The following MUC4 variants were observed in gnomAD, a reference collection of about 807,000 sequenced individuals.
MUC4 encodes the protein mucin 4, cell surface associated.
In MUC4, 202 loss-of-function variants were observed where a neutral mutation model predicts 257.9. The observed-to-expected ratio is 0.78, with a 90% CI of 0.70 to 0.88. The LOEUF is 0.88. Among genes scored for constraint, MUC4 ranks in the 40% least tolerant of loss-of-function variants. The pLI, the probability that MUC4 is intolerant of heterozygous loss-of-function variation, is 0.00. For synonymous variants in MUC4, 2,351 were observed against 2,757.1 expected (o/e 0.85, Z 4.62); for missense variants, 5,976 against 6,513.7 (o/e 0.92, Z 2.84).
chr3:195,758,092 C>T (rs971262099), intron 17 of MUC4, among the ~76,000 whole-genome samples: 10 of 152,174 alleles, frequency 6.6e-5, no homozygotes, highest in African/African-American at 9.7e-5. Flanking sequence ...ATATGCCCCC[C>T]GGGGCTTTGG....
At position 195,802,710 on chromosome 3, in the gene MUC4, G is replaced by A. The variant is rs547223255; in HGVS notation, c.82+9026C>T. ...TGACCTTCGTCTGGTTGTGACTGAGGAAAGATACTTCCAGCGCGTCTGTGT... is the reference window on the plus strand; with the variant it reads ...TGACCTTCGTCTGGTTGTGACTGAGAAAAGATACTTCCAGCGCGTCTGTGT... On this transcript the variant is annotated intron_variant, in intron 1 of 24. Coordinates refer to ENST00000463781, the MANE Select transcript of MUC4 (RefSeq NM_018406.7). 4.6e-5 allele frequency among the ~76,000 whole-genome samples: 7 copies of A among 152,290 alleles called. No homozygotes were observed. In the South Asian group the frequency reaches 1.5e-3, roughly 32 times the overall value.
At chr3:195,768,110 G>A (rs1722024682) in intron 7 of MUC4, among the ~76,000 whole-genome samples, 1 of 152,132 alleles carries the variant, frequency 6.6e-6, no homozygotes, top group Non-Finnish European at 1.5e-5. Context: ...GACACAAGCA[G>A]GATGATGCAC....
Position 195,787,881 on chromosome 3 carries a change from A to T in MUC4, c.3699T>A (p.Leu1233=). 2 of 584,952 alleles carry T rather than the reference A, an allele frequency of 3.4e-6. No homozygotes were observed. The highest frequency in any genetic ancestry group is 5.3e-6 in the Non-Finnish European group (2 of 378,854). 36.2% of individuals were successfully genotyped at this position (584,952 alleles called of 1,614,324 possible). ...SSVSTDHATS[L]PVTIPSAAST... Reference sequence around the variant, plus strand: ...ATGCTGCGGAAGGGATGGTTACAGGAAGAGAGGTGGCGTGATCTGTGGACA... The same window carrying T: ...ATGCTGCGGAAGGGATGGTTACAGGTAGAGAGGTGGCGTGATCTGTGGACA... The change falls in exon 2 of 25, where the codon CTT becomes CTA. Residue 1233 remains leucine (L), a synonymous_variant. Coordinates refer to ENST00000463781, the MANE Select transcript of MUC4 (RefSeq NM_018406.7).
intron 19 of MUC4, chr3:195,753,697 G>C (rs577195965): frequency 2.6e-4 from 52 of 201,266 alleles, no homozygotes; most frequent in Non-Finnish European, 4.3e-4. Context: ...TGGTGACTCA[G>C]AGCGGGAGGA....
chr3:195,778,505 G>A (rs1725537046), intron 2 of MUC4, 50 bp from the exon 3 acceptor site: 2 of 1,599,426 alleles, frequency 1.3e-6, no homozygotes, highest in East Asian at 2.2e-5. Flanking sequence ...TAACAAAACA[G>A]GAGAGTCAAA....
At chr3:195,763,726 G>C in intron 11 of MUC4, 85 bp from the exon 12 acceptor site, 1 of 1,314,626 alleles carries the variant, frequency 7.6e-7, no homozygotes, top group Non-Finnish European at 1.0e-6. Context: ...TGCGGCACTT[G>C]TCCAGGAGGA....
intron 7 of MUC4, among the ~76,000 whole-genome samples, chr3:195,767,463 T>TACCATC (rs1720835968): frequency 8.0e-5 from 3 of 37,272 alleles, no homozygotes; most frequent in South Asian, 2.3e-3. Context: ...CCACCAACAC[T>TACCATC]ACCACCACCA....
Position 195,757,117 on chromosome 3 carries a change from G to A in MUC4, c.15168+30C>T, listed in dbSNP as rs1717825007. The A allele has an allele frequency of 6.3e-7, 1 of 1,574,854 alleles. No individual in the cohort carries two copies. Among genetic ancestry groups the A allele is most frequent in the African/African-American group, 1.3e-5 (1 of 74,340 alleles). On this transcript the variant is annotated intron_variant, in intron 18 of 24. Transcript: ENST00000463781. This position sits in a 1 kb window ranked among gnomAD's most constrained non-coding sequence, Gnocchi z 4.8. ...TCCCATTTCCTCTCCCCTCGGCACA[G>A]AAACTCCTCCCCCACCTCCCAACAC...
chr3:195,763,579 G>T lies in MUC4; in HGVS notation c.14107C>A (p.Leu4703Met). 1 of 1,595,514 alleles carries T rather than the reference G, an allele frequency of 6.3e-7. No individual in the cohort carries two copies. ...GCCCCGACCAGCAGGAAGTCCCCCA[G>T]CCCATTGAAGGTGTAACTGACACCA... ...LDGVSYTFNGLGDFLLVGAQD... is the reference protein window; with the variant it reads ...LDGVSYTFNGMGDFLLVGAQD... Residue 4703 changes from leucine to methionine, a missense_variant, in exon 12 of 25, where the codon CTG (leucine) becomes ATG (methionine). Transcript: ENST00000463781.
At chr3:195,750,322 G>C (rs1253604035) in intron 23 of MUC4, 2 of 146,594 alleles carry the variant, frequency 1.4e-5, no homozygotes, top group Non-Finnish European at 3.0e-5. Flanking sequence ...GGGGAGTGTT[G>C]AGGCCTGGCC....
At chr3:195,797,029 G>A (rs1456264890) in intron 1 of MUC4, among the ~76,000 whole-genome samples, 2 of 152,196 alleles carry the variant, frequency 1.3e-5, no homozygotes, top group African/African-American at 2.4e-5. Flanking sequence ...GATCACTTGA[G>A]GCCGGGAGTT....
intron 19 of MUC4, chr3:195,753,444 G>A (rs1716884332): frequency 3.5e-6 from 2 of 563,518 alleles, no homozygotes; most frequent in Admixed American, 7.2e-5. Flanking sequence ...CTTTTGTGGA[G>A]GGACTGGAGT....
Position 195,789,118 on chromosome 3 carries a change from A to G in MUC4, c.2462T>C (p.Ile821Thr), listed in dbSNP as rs769771327. 1 of 1,613,384 alleles carries G rather than the reference A, an allele frequency of 6.2e-7. No homozygotes were observed. The highest frequency in any genetic ancestry group is 1.1e-5 in the South Asian group (1 of 91,044). ...CCTTGTCGTCTCTCCTGAGGTGGAT[A>G]TTCCTTCGCTTCCTGAAGGTGTTGT... The part of the protein sequence containing the change: ...SGTTPSGSEG[I>T]STSGETTRFS... The change falls in exon 2 of 25, where the codon ATA (isoleucine) becomes ACA (threonine). Residue 821 changes from isoleucine (I) to threonine (T), a missense_variant. Around this residue, in one of 44 missense-constraint regions of MUC4, gnomAD observed 1,583 missense variants for 1,257.4 expected, o/e 1.26. Coordinates refer to ENST00000463781, the MANE Select transcript of MUC4 (RefSeq NM_018406.7).
rs1731947906 is a variant in MUC4 at position 195,786,452 on chromosome 3, CCTG to C, written c.5125_5127del (p.Gln1709del). ...AGGCTGGTGACAGGAAGAGGGGTGGCCTGACCTGTGGATGCCGAGGAAACGTCG... is the reference window on the plus strand; with the variant it reads ...AGGCTGGTGACAGGAAGAGGGGTGGCACCTGTGGATGCCGAGGAAACGTCG... On this transcript the variant is annotated inframe_deletion, in exon 2 of 25. Coordinates refer to ENST00000463781, the MANE Select transcript of MUC4 (RefSeq NM_018406.7). 1 of 1,514,094 alleles carries C rather than the reference CCTG, an allele frequency of 6.6e-7. No individual in the cohort carries two copies. The highest frequency in any genetic ancestry group is 1.5e-5 in the African/African-American group (1 of 66,196). The allele number at this position is 1,514,094 out of a possible 1,614,324, so 93.8% of individuals were successfully genotyped here.
Position 195,763,468 on chromosome 3 carries a change from C to T in MUC4, c.14218G>A (p.Ala4740Thr). 2 of 1,491,266 alleles carry T rather than the reference C, an allele frequency of 1.3e-6. No individual in the cohort carries two copies. Among genetic ancestry groups the T allele is most frequent in the Non-Finnish European group, 1.8e-6 (2 of 1,113,552 alleles). 92.4% of individuals were successfully genotyped at this position (1,491,266 alleles called of 1,614,324 possible). A position where few individuals can be genotyped will look rare whatever the true frequency, so the allele number is the denominator to read the frequency against. The stretch of plus-strand genomic sequence containing the variant: ...CCCAGGCTGCTGGAGCGGTACTGAG[C>T]CGCAAAGGCGATGAAGTTGGTGGCC... Reference protein sequence around the residue: ...AQATNFIAFAAQYRSSSLGPV... With the variant: ...AQATNFIAFATQYRSSSLGPV... Residue 4740 changes from alanine (A) to threonine (T), a missense_variant, in exon 12 of 25, where the codon GCT (alanine) becomes ACT (threonine). Ala to Thr is a moderately conservative substitution (Grantham distance 58). Around this residue, in one of 44 missense-constraint regions of MUC4, gnomAD observed 996 missense variants for 1,137.3 expected, o/e 0.88. Coordinates refer to ENST00000463781, the MANE Select transcript of MUC4 (RefSeq NM_018406.7).
intron 1 of MUC4, among the ~76,000 whole-genome samples, chr3:195,805,857 G>A (rs1456327921): frequency 2.6e-5 from 4 of 151,712 alleles, no homozygotes; most frequent in Non-Finnish European, 5.9e-5. Context: ...GGCTCACACT[G>A]GTAATCCCAG....
intron 1 of MUC4, among the ~76,000 whole-genome samples, chr3:195,808,556 A>G (rs1736287723): frequency 6.6e-6 from 1 of 152,124 alleles, no homozygotes; most frequent in Non-Finnish European, 1.5e-5. Flanking sequence ...CATCCTCATG[A>G]CAACCCTACG....
rs573664659 is a variant in MUC4, at chr3:195,755,331, G to C, written c.15169-959C>G. Among the ~76,000 whole-genome samples the C allele has an allele frequency of 6.6e-6, 1 of 152,064 alleles. No individual in the cohort carries two copies. Among genetic ancestry groups the C allele is most frequent in the South Asian group, 2.1e-4 (1 of 4,812 alleles). ...GTGCCTCAGCCTCCCAAATACTTGA[G>C]ATTACAGGCATATGCCACCACGCCC... On this transcript the variant is annotated intron_variant, in intron 18 of 24. Transcript: ENST00000463781. This position sits in a 1 kb window ranked among gnomAD's most constrained non-coding sequence, Gnocchi z 5.0.
At chr3:195,809,303 G>A (rs1423580777) in intron 1 of MUC4, among the ~76,000 whole-genome samples, 2 of 152,148 alleles carry the variant, frequency 1.3e-5, no homozygotes, top group South Asian at 2.1e-4. Flanking sequence ...GGGTCCTGCC[G>A]GCAAGTGTGC....
Sources: gnomAD v4.1 joint callset for allele counts (sites outside exome capture counted in the v4.1 genomes callset) on GRCh38, gnomAD v4.1.1 for gene constraint, gnomAD v4.1.1 regional missense constraint, Gnocchi (gnomAD v3.1) non-coding constraint, MANE v1.5 for transcripts, NCBI Gene and HGNC (gene_info 2026-07-23, HGNC 2026-07-21) for gene names.